SGCZ: variants seen among roughly 807,000 people sequenced by gnomAD.
The protein encoded by SGCZ is sarcoglycan zeta.
In SGCZ, 40 loss-of-function variants were observed where a neutral mutation model predicts 41.3. That is an observed-to-expected ratio of 0.97 (90% CI 0.75 to 1.26). SGCZ has a LOEUF of 1.26. SGCZ is among the 50% of genes most tolerant of loss of function. The pLI is 0.00. For synonymous variants in SGCZ, 206 were observed against 137.5 expected, an observed-to-expected ratio of 1.50 and a Z score of -3.49; for missense variants, 552 against 369.8, an observed-to-expected ratio of 1.49 and a Z score of -4.04.
At chr8:14,876,999 G>A (rs1308527965) in intron 1 of SGCZ, among the ~76,000 whole-genome samples, 1 of 152,106 alleles carries the variant, frequency 6.6e-6, no homozygotes, top group Non-Finnish European at 1.5e-5. Flanking sequence ...TTTTGAGACA[G>A]AGTCTCACCC....
intron 1 of SGCZ, among the ~76,000 whole-genome samples, chr8:15,150,010 T>C (rs1799134854): frequency 6.6e-6 from 1 of 152,172 alleles, no homozygotes; most frequent in Non-Finnish European, 1.5e-5. Flanking sequence ...ATCTGCAGTG[T>C]GTCTGCAAAG....
chr8:14,535,533 C>T (rs1435290320), intron 2 of SGCZ, among the ~76,000 whole-genome samples: 1 of 151,826 alleles, frequency 6.6e-6, no homozygotes, highest in Non-Finnish European at 1.5e-5. Context: ...TTTCATCTAC[C>T]CCAAAATACA....
At chr8:14,589,749 A>T (rs80353218) in intron 1 of SGCZ, among the ~76,000 whole-genome samples, 9,280 of 152,242 alleles carry the variant, frequency 0.061, 486 homozygotes, top group African/African-American at 0.14. Context: ...AAAAACACAC[A>T]GCACAAACTA....
At chr8:14,594,788 T>G (rs1046064438) in intron 1 of SGCZ, among the ~76,000 whole-genome samples, 5 of 151,886 alleles carry the variant, frequency 3.3e-5, no homozygotes, top group African/African-American at 1.2e-4. Context: ...AGTAATTCAG[T>G]GTTTCCTGAT....
At chr8:14,888,650 T>A (rs1405306207) in intron 1 of SGCZ, among the ~76,000 whole-genome samples, 1 of 152,162 alleles carries the variant, frequency 6.6e-6, no homozygotes, top group African/African-American at 2.4e-5. Context: ...TTCAGATAAG[T>A]AATTCTTTAG....
chr8:14,516,639 A>T (rs185486652), intron 2 of SGCZ, among the ~76,000 whole-genome samples: 1 of 152,086 alleles, frequency 6.6e-6, no homozygotes, highest in Non-Finnish European at 1.5e-5. Context: ...GTTTGGTACT[A>T]TTCCTAAAAA....
Position 14,546,920 on chromosome 8 carries a change from C to T in SGCZ, c.234+7812G>A, listed in dbSNP as rs539814025. ...GACCTTGGGAAGTTTATTTAATTTCCCTAAGTTTCTGCCTTTTCATCTGCC... is the reference window on the plus strand; with the variant it reads ...GACCTTGGGAAGTTTATTTAATTTCTCTAAGTTTCTGCCTTTTCATCTGCC... On this transcript the variant is annotated intron_variant, in intron 2 of 7. Coordinates refer to ENST00000382080, the MANE Select transcript of SGCZ (RefSeq NM_139167.4). 2.6e-5 allele frequency among the ~76,000 whole-genome samples: 4 copies of T among 151,920 alleles called. No homozygotes were observed. In the South Asian group the frequency reaches 6.2e-4, roughly 24 times the overall value.
intron 2 of SGCZ, among the ~76,000 whole-genome samples, chr8:14,515,431 C>T (rs982921511): frequency 2.0e-5 from 3 of 152,076 alleles, no homozygotes; most frequent in East Asian, 1.9e-4. Context: ...AGACAACATA[C>T]GCATCAATAT....
intron 7 of SGCZ, among the ~76,000 whole-genome samples, chr8:14,101,708 T>C (rs1802026888): frequency 6.6e-6 from 1 of 151,654 alleles, no homozygotes; most frequent in Admixed American, 6.6e-5. Flanking sequence ...AAGGCACTCT[T>C]TCTATGGAAA....
chr8:14,798,937 C>G (rs1313504460), intron 1 of SGCZ, among the ~76,000 whole-genome samples: 1 of 151,786 alleles, frequency 6.6e-6, no homozygotes. Context: ...AGAAAAGTCT[C>G]ATTTCTGCCT....
At chr8:14,259,202 T>C (rs117798609) in intron 3 of SGCZ, among the ~76,000 whole-genome samples, 1 of 152,184 alleles carries the variant, frequency 6.6e-6, no homozygotes, top group African/African-American at 2.4e-5. Flanking sequence ...AAATACCTAC[T>C]GAGTTAATTA....
rs1002547666 is a variant in SGCZ, at chr8:14,719,350, G to T, written c.40-164424C>A. Among the ~76,000 whole-genome samples the T allele has an allele frequency of 4.0e-5, 6 of 150,186 alleles. No homozygotes were observed. In the East Asian group the frequency reaches 1.2e-3, roughly 30 times the overall value. ...TGTCTTTATAGCAGCATGATTTATA[G>T]TCCTTTGGGTATATACCCAGTAATG... On this transcript the variant is annotated intron_variant, in intron 1 of 7. Transcript: ENST00000382080.
At chr8:14,551,475 ATATAT>A (rs371737823) in intron 2 of SGCZ, among the ~76,000 whole-genome samples, 337 of 16,144 alleles carry the variant, frequency 0.021, 22 homozygotes, top group East Asian at 0.1. Flanking sequence ...TATATATATT[ATATAT>A]TATATATATT....
chr8:14,934,044 T>C (rs1241371087), intron 1 of SGCZ, among the ~76,000 whole-genome samples: 1 of 151,926 alleles, frequency 6.6e-6, no homozygotes, highest in African/African-American at 2.4e-5. Flanking sequence ...CCCTAAAAAA[T>C]AGCCAATAAT....
intron 1 of SGCZ, among the ~76,000 whole-genome samples, chr8:14,875,939 A>G (rs2130712514): frequency 6.6e-6 from 1 of 152,276 alleles, no homozygotes. Flanking sequence ...CAGAGTAATA[A>G]ACTCTCTCAT....
At chr8:14,244,033 T>A (rs1798987150) in intron 3 of SGCZ, among the ~76,000 whole-genome samples, 1 of 152,206 alleles carries the variant, frequency 6.6e-6, no homozygotes, top group African/African-American at 2.4e-5. Flanking sequence ...GCATGTTGAA[T>A]GAATGAACTG....
At chr8:14,470,628 T>C (rs1269121263) in intron 2 of SGCZ, among the ~76,000 whole-genome samples, 2 of 152,160 alleles carry the variant, frequency 1.3e-5, no homozygotes, top group Non-Finnish European at 2.9e-5. Flanking sequence ...CAAGTTTATT[T>C]CTGAGCACAC....
intron 1 of SGCZ, among the ~76,000 whole-genome samples, chr8:14,981,389 G>C (rs1801657959): frequency 6.6e-6 from 1 of 152,170 alleles, no homozygotes; most frequent in African/African-American, 2.4e-5. Context: ...TCACTTCTGT[G>C]AGTCACTGAG....
chr8:14,369,653 A>T (rs570107297), intron 2 of SGCZ, among the ~76,000 whole-genome samples: 12 of 152,172 alleles, frequency 7.9e-5, no homozygotes, highest in Admixed American at 1.3e-4. Flanking sequence ...CATTATTAAC[A>T]TATTAATGAT....
Sources: gnomAD v4.1 joint callset for allele counts (sites outside exome capture counted in the v4.1 genomes callset) on GRCh38, gnomAD v4.1.1 for gene constraint, MANE v1.5 for transcripts, NCBI Gene and HGNC (gene_info 2026-07-23, HGNC 2026-07-21) for gene names.